The following PHLDB2 variants were observed in gnomAD, a reference collection of about 807,000 sequenced individuals.
PHLDB2 encodes pleckstrin homology-like domain family B member 2.
In PHLDB2, 71 loss-of-function variants were observed where a neutral mutation model predicts 123.6. The ratio of observed to expected loss-of-function variants is 0.57; its 90% confidence interval spans 0.47 to 0.70. The LOEUF is 0.70. PHLDB2 is among the 30% of genes least tolerant of loss of function. The probability of loss-of-function intolerance (pLI) is 0.00; values close to 1 mark genes in which losing one functional copy is unlikely to be tolerated. For missense variants in PHLDB2, 1,446 were observed against 1,519.5 expected (o/e 0.95, Z 0.80); for synonymous variants, 547 against 541.6 (o/e 1.01, Z -0.14).
At chr3:111,867,724 T>C (rs114167612) in intron 1 of PHLDB2, among the ~76,000 whole-genome samples, 16,492 of 152,158 alleles carry the variant, frequency 0.11, 1,063 homozygotes, top group Non-Finnish European at 0.14. Context: ...TTTTTTGAGA[T>C]AGGGTCTTGC....
chr3:111,855,427 TTC>T (rs1316117122), upstream of PHLDB2, among the ~76,000 whole-genome samples: 1 of 151,576 alleles, frequency 6.6e-6, no homozygotes, highest in African/African-American at 2.4e-5. Flanking sequence ...CTTCCTTTCT[TTC>T]TTTCTCTCTC....
At chr3:111,796,603 G>T (rs376967763) in intron 1 of PHLDB2, among the ~76,000 whole-genome samples, 1 of 152,038 alleles carries the variant, frequency 6.6e-6, no homozygotes, top group Non-Finnish European at 1.5e-5. Context: ...GCATGATCTT[G>T]GCTCACTGCA....
At chr3:111,807,173 T>G (rs1423768409) in intron 1 of PHLDB2, among the ~76,000 whole-genome samples, 1 of 152,018 alleles carries the variant, frequency 6.6e-6, no homozygotes, top group African/African-American at 2.4e-5. Context: ...GAGATTCAAT[T>G]TTCCCTTATA....
At chr3:111,751,199 G>A (rs2059767490) in intron 1 of PHLDB2, among the ~76,000 whole-genome samples, 1 of 142,808 alleles carries the variant, frequency 7.0e-6, no homozygotes, top group Admixed American at 7.1e-5. Context: ...GTGTGTGTGT[G>A]TGTGTGTGCA....
chr3:111,948,215 A>T (rs1368034605), intron 9 of PHLDB2, among the ~76,000 whole-genome samples: 1 of 152,088 alleles, frequency 6.6e-6, no homozygotes, highest in Non-Finnish European at 1.5e-5. Flanking sequence ...GAATTGAAAC[A>T]TACCCTGGTT....
intron 1 of PHLDB2, among the ~76,000 whole-genome samples, chr3:111,790,382 G>A (rs1170341578): frequency 6.6e-6 from 1 of 152,168 alleles, no homozygotes; most frequent in East Asian, 1.9e-4. Context: ...TCTCTTCTCT[G>A]ATAAGGTACC....
At chr3:111,853,380 A>G (rs2064344657) in intron 2 of PHLDB2, among the ~76,000 whole-genome samples, 1 of 152,172 alleles carries the variant, frequency 6.6e-6, no homozygotes, top group South Asian at 2.1e-4. Context: ...TTTTAGAGAG[A>G]CAATTTATCT....
chr3:111,887,434 A>G (rs2066239754), intron 2 of PHLDB2, among the ~76,000 whole-genome samples: 1 of 152,224 alleles, frequency 6.6e-6, no homozygotes, highest in Non-Finnish European at 1.5e-5. Flanking sequence ...ACGGATTCTT[A>G]TCAAGCCTAT....
intron 7 of PHLDB2, 86 bp from the exon 8 acceptor site, chr3:111,940,449 A>C: frequency 1.5e-6 from 1 of 676,664 alleles, no homozygotes; most frequent in South Asian, 2.4e-5. Flanking sequence ...CAGTGGTGAA[A>C]ATTTTTTTCT....
At chr3:111,921,971 G>A (rs2068538401) in intron 5 of PHLDB2, among the ~76,000 whole-genome samples, 1 of 152,218 alleles carries the variant, frequency 6.6e-6, no homozygotes, top group African/African-American at 2.4e-5. Context: ...TCAAAGAGTT[G>A]ACTGTCTAAG....
rs138853389 is a variant in PHLDB2, at chr3:111,745,209, T to C, written c.-49+12506T>C. On this transcript the variant is annotated intron_variant, in intron 1 of 17. Transcript: ENST00000393923. Reference sequence around the variant, plus strand: ...TTTTAGTGATTACAATTATTAGTCATAAAAATTAATAGACTGGAAAATTAT... The same window carrying C: ...TTTTAGTGATTACAATTATTAGTCACAAAAATTAATAGACTGGAAAATTAT... 4.6e-3 allele frequency among the ~76,000 whole-genome samples: 703 copies of C among 152,276 alleles called. 5 individuals are homozygous for C. The highest frequency in any genetic ancestry group is 0.016 in the African/African-American group (661 of 41,560).
rs1051562764 is a variant in PHLDB2, at chr3:111,743,044, C to A, written c.-49+10341C>A. ...AGAAAAGTTTCAGACGGGTGCTCCC[C>A]AACTACCAAAGGAGTTGGGGTCCAA... is the stretch of plus-strand genomic sequence containing the variant. On this transcript the variant is annotated intron_variant, in intron 1 of 17. Transcript: ENST00000393923. Among the ~76,000 whole-genome samples, 4 of 152,148 alleles carry A rather than the reference C, an allele frequency of 2.6e-5. No homozygotes were observed. In the East Asian group the frequency reaches 7.7e-4, roughly 29 times the overall value.
In PHLDB2 at chr3:111,870,914, G is replaced by A. The variant is rs76823607; in HGVS notation, c.-15+11338G>A. On this transcript the variant is annotated intron_variant, in intron 1 of 17. Coordinates refer to ENST00000431670, the MANE Select transcript of PHLDB2 (RefSeq NM_001134438.2). ...TCAACCACTGTCTGCCACAAAATGC[G>A]GACTCCAAGTCAGCGTCTCTGCTCC... 2.1e-3 allele frequency among the ~76,000 whole-genome samples: 321 copies of A among 152,254 alleles called. 2 individuals carry two copies. The highest frequency in any genetic ancestry group is 7.2e-3 in the African/African-American group (300 of 41,546).
chr3:111,924,339 A>G (rs2068695340), intron 5 of PHLDB2, among the ~76,000 whole-genome samples: 2 of 152,274 alleles, frequency 1.3e-5, no homozygotes, highest in Non-Finnish European at 2.9e-5. Flanking sequence ...GGAGGGCACT[A>G]GGGCACTGTG....
intron 1 of PHLDB2, among the ~76,000 whole-genome samples, chr3:111,799,214 A>G (rs1362616853): frequency 6.6e-6 from 1 of 152,114 alleles, no homozygotes; most frequent in Non-Finnish European, 1.5e-5. Flanking sequence ...TCAAGATGAG[A>G]TTTGGGTGGG....
At chr3:111,756,782 G>A (rs946212533) in intron 1 of PHLDB2, among the ~76,000 whole-genome samples, 3 of 152,218 alleles carry the variant, frequency 2.0e-5, no homozygotes, top group African/African-American at 7.2e-5. Flanking sequence ...TGCAGTGGCT[G>A]GTACCTGTTG....
chr3:111,868,528 C>A (rs2065191813), intron 1 of PHLDB2, among the ~76,000 whole-genome samples: 5 of 151,820 alleles, frequency 3.3e-5, no homozygotes, highest in African/African-American at 1.2e-4. Context: ...TAGGTAATTG[C>A]ATTTCTGTCT....
chr3:111,958,165 C>T (rs1379055441), intron 12 of PHLDB2: 1 of 626,700 alleles, frequency 1.6e-6, no homozygotes. Flanking sequence ...TTTTCCTGCC[C>T]CCTTGTCATC....
intron 1 of PHLDB2, among the ~76,000 whole-genome samples, chr3:111,798,745 A>G (rs993224094): frequency 4.1e-5 from 6 of 146,560 alleles, no homozygotes; most frequent in African/African-American, 1.5e-4. Context: ...CAATTCTAGG[A>G]TCTGGCATCT....
Sources: gnomAD v4.1 joint callset for allele counts (sites outside exome capture counted in the v4.1 genomes callset) on GRCh38, gnomAD v4.1.1 for gene constraint, MANE v1.5 for transcripts, NCBI Gene and HGNC (gene_info 2026-07-23, HGNC 2026-07-21) for gene names.